Variants in COA6 observed in about 807,000 individuals in gnomAD.
COA6 encodes the protein cytochrome c oxidase assembly factor 6 homolog.
A neutral mutation model predicts 17.1 loss-of-function variants in COA6; 12 were observed. That is an observed-to-expected ratio of 0.70 (90% CI 0.45 to 1.14). The LOEUF is 1.14. COA6 is among the 50% of genes most tolerant of loss of function. The probability of loss-of-function intolerance (pLI) is 0.00; values close to 1 mark genes in which losing one functional copy is unlikely to be tolerated. For synonymous variants in COA6, 90 were observed against 73.4 expected, an observed-to-expected ratio of 1.23 and a Z score of -1.16; for missense variants, 246 against 196.5, an observed-to-expected ratio of 1.25 and a Z score of -1.51.
intron 2 of COA6, among the ~76,000 whole-genome samples, chr1:234,377,145 G>GTTGTTGTTGTTA (rs1658831784): frequency 9.7e-6 from 1 of 102,822 alleles, no homozygotes; most frequent in Non-Finnish European, 1.8e-5. Context: ...TGTTGTTGTT[G>GTTGTTGTTGTTA]AGACAGAGTC....
intron 2 of COA6, among the ~76,000 whole-genome samples, chr1:234,380,252 T>C (rs113276586): frequency 3.3e-5 from 5 of 152,314 alleles, no homozygotes; most frequent in African/African-American, 9.6e-5. Context: ...TCCAGAGATA[T>C]GTGTGCATAA....
chr1:234,375,247 T>C (rs1057197057), intron 2 of COA6, among the ~76,000 whole-genome samples: 3 of 152,078 alleles, frequency 2.0e-5, no homozygotes, highest in African/African-American at 7.2e-5. Context: ...GTGGAGGTTG[T>C]AGTGAGCCAA....
chr1:234,373,553 T>C lies in COA6; in HGVS notation c.87T>C (p.Leu29=), dbSNP rs1658672840. Residue 29 remains leucine, a synonymous_variant, in exon 1 of 3, where the codon CTT becomes CTC. Transcript: ENST00000366615. ...TGGGGAGGTCTACGCTTCTAGAGCT[T>C]GAGCCAGCGGGGCGACCCTGCAGTG... The part of the protein sequence containing the change: ...LRLGRSTLLE[L]EPAGRPCSGR... 6.8e-6 allele frequency: 11 copies of C among 1,611,964 alleles called. No homozygotes were observed. The highest frequency in any genetic ancestry group is 9.3e-6 in the Non-Finnish European group (11 of 1,179,354).
intron 2 of COA6, among the ~76,000 whole-genome samples, chr1:234,379,277 C>G (rs1217822475): frequency 6.6e-6 from 1 of 151,888 alleles, no homozygotes; most frequent in East Asian, 1.9e-4. Flanking sequence ...GGATGACAAT[C>G]AGTAGAAAGG....
At chr1:234,375,757 A>G (rs7523348) in intron 2 of COA6, among the ~76,000 whole-genome samples, 90,981 of 152,058 alleles carry the variant, frequency 0.6, 29,085 homozygotes, top group African/African-American at 0.83. Flanking sequence ...GGCCTCAAGC[A>G]ATCTTCCCGC....
At chr1:234,374,033 T>C (rs1222067596) in intron 1 of COA6, 197 bp from the exon 2 acceptor site, 9 of 898,524 alleles carry the variant, frequency 1.0e-5, no homozygotes, top group Non-Finnish European at 1.5e-5. Flanking sequence ...CAAGAGCGGG[T>C]GGCCTTATGC....
intron 2 of COA6, among the ~76,000 whole-genome samples, chr1:234,376,847 A>T (rs10429824): frequency 0.54 from 81,238 of 151,824 alleles, 23,101 homozygotes; most frequent in African/African-American, 0.73. Context: ...TACTCACTCG[A>T]CCAAGGCAAT....
intron 2 of COA6, among the ~76,000 whole-genome samples, 148 bp from the exon 3 acceptor site, chr1:234,383,566 TACAGCTGAC>T (rs1436861798): frequency 8.7e-6 from 1 of 114,932 alleles, no homozygotes; most frequent in Admixed American, 9.4e-5. Context: ...CATTCATAGT[TACAGCTGAC>T]ACACACACAC....
In COA6 at chr1:234,384,740, G is replaced by T. The variant is rs764180141; in HGVS notation, c.*922G>T. Reference sequence around the variant, plus strand: ...GCATCCATGGATTCAACCCCGAAGAGAAAATTTTTGGGAAAAGGAAAAACG... The same window carrying T: ...GCATCCATGGATTCAACCCCGAAGATAAAATTTTTGGGAAAAGGAAAAACG... On this transcript the variant is annotated 3_prime_UTR_variant, in exon 3 of 3. Coordinates refer to ENST00000366615, the MANE Select transcript of COA6 (RefSeq NM_001206641.3). Among the ~76,000 whole-genome samples the T allele has an allele frequency of 2.6e-5, 4 of 152,092 alleles. No homozygotes were observed. Among genetic ancestry groups the T allele is most frequent in the African/African-American group, 7.2e-5 (3 of 41,424 alleles).
At chr1:234,379,687 A>C (rs1218999232) in intron 2 of COA6, among the ~76,000 whole-genome samples, 2 of 152,224 alleles carry the variant, frequency 1.3e-5, no homozygotes, top group African/African-American at 4.8e-5. Flanking sequence ...GGGAGGCCTC[A>C]GGAAACTTAC....
intron 2 of COA6, among the ~76,000 whole-genome samples, chr1:234,381,674 G>C (rs949564193): frequency 6.6e-6 from 1 of 152,234 alleles, no homozygotes; most frequent in Non-Finnish European, 1.5e-5. Flanking sequence ...AGAAGCCAGT[G>C]AAAGAGCTGT....
intron 2 of COA6, 49 bp downstream of exon 2, chr1:234,374,438 C>G: frequency 6.3e-7 from 1 of 1,585,376 alleles, no homozygotes; most frequent in Non-Finnish European, 8.6e-7. Flanking sequence ...ATACATCGAG[C>G]TTATACTGTG....
At chr1:234,379,519 C>G (rs55884696) in intron 2 of COA6, among the ~76,000 whole-genome samples, 1 of 151,908 alleles carries the variant, frequency 6.6e-6, no homozygotes, top group African/African-American at 2.4e-5. Flanking sequence ...TGAAATTACC[C>G]GCGAGTTTTG....
intron 1 of COA6, 183 bp from the exon 2 acceptor site, chr1:234,374,047 C>T: frequency 1.1e-6 from 1 of 870,000 alleles, no homozygotes; most frequent in Non-Finnish European, 1.7e-6. Context: ...CTTATGCTGC[C>T]ACTGAGAACT....
chr1:234,377,059 C>CGAGAGAGAGAGAGAGA lies in COA6; in HGVS notation c.372+2697_372+2712dup, dbSNP rs71170479. On this transcript the variant is annotated intron_variant, in intron 2 of 2. Transcript: ENST00000366615. ...GACAGCTACCTTCTTGCTGTGTTGC[C>CGAGAGAGAGAGAGAGA]GAGAGAGAGAGAGAGAGAGAGAGAG... 3.9e-4 allele frequency among the ~76,000 whole-genome samples: 32 copies of CGAGAGAGAGAGAGAGA among 82,632 alleles called. 3 individuals are homozygous for CGAGAGAGAGAGAGAGA. Among genetic ancestry groups the CGAGAGAGAGAGAGAGA allele is most frequent in the South Asian group, 1.6e-3 (4 of 2,556 alleles). The allele number at this position is 82,632 out of a possible 152,430, so 54.2% of individuals were successfully genotyped here. A position where few individuals can be genotyped will look rare whatever the true frequency, so the allele number is the denominator to read the frequency against.
At chr1:234,373,738 T>C in intron 1 of COA6, 60 bp downstream of exon 1, 2 of 1,613,862 alleles carry the variant, frequency 1.2e-6, no homozygotes, top group Non-Finnish European at 1.7e-6. Context: ...GGAGGTCCCT[T>C]ACTGTCCCCG....
intron 1 of COA6, 182 bp from the exon 2 acceptor site, chr1:234,374,048 A>G (rs1316900961): frequency 1.2e-6 from 1 of 869,498 alleles, no homozygotes; most frequent in African/African-American, 1.7e-5. Context: ...TTATGCTGCC[A>G]CTGAGAACTG....
In COA6 at chr1:234,383,246, C is replaced by G. The variant is rs535208975; in HGVS notation, c.373-477C>G. Among the ~76,000 whole-genome samples the G allele has an allele frequency of 2.4e-4, 37 of 152,140 alleles. 1 individual carries two copies. In the South Asian group the frequency reaches 7.5e-3, roughly 31 times the overall value. On this transcript the variant is annotated intron_variant, in intron 2 of 2. Transcript: ENST00000366615. ...GAGTTATTCAAATTCTCAGTATGGT[C>G]TGTAATCCAAAAAGGATTAGGATTC...
chr1:234,381,260 T>C (rs917271587), intron 2 of COA6, among the ~76,000 whole-genome samples: 1 of 152,228 alleles, frequency 6.6e-6, no homozygotes, highest in Non-Finnish European at 1.5e-5. Flanking sequence ...GTATACAGTA[T>C]TTCTCAATGA....
Sources: gnomAD v4.1 joint callset for allele counts (sites outside exome capture counted in the v4.1 genomes callset) on GRCh38, gnomAD v4.1.1 for gene constraint, MANE v1.5 for transcripts, NCBI Gene and HGNC (gene_info 2026-07-23, HGNC 2026-07-21) for gene names.